The following PPP1R12A variants were observed in gnomAD, a reference collection of about 807,000 sequenced individuals.
PPP1R12A encodes the protein protein phosphatase 1 regulatory subunit 12A, also known as myosin binding subunit.
Under a neutral mutation model 139.6 loss-of-function variants are expected in PPP1R12A, and 19 were observed. The observed-to-expected ratio is 0.14, with a 90% CI of 0.09 to 0.20. The LOEUF is 0.20. Ranked by LOEUF, PPP1R12A falls within the 10% of genes least tolerant of loss-of-function variation. The pLI is 1.00. For missense variants in PPP1R12A, 925 were observed against 1,211.5 expected, an observed-to-expected ratio of 0.76 and a Z score of 3.51; for synonymous variants, 427 against 420.6, an observed-to-expected ratio of 1.02 and a Z score of -0.19.
At chr12:79,863,970 A>T (rs182178878) in intron 2 of PPP1R12A, among the ~76,000 whole-genome samples, 1 of 152,334 alleles carries the variant, frequency 6.6e-6, no homozygotes, top group East Asian at 1.9e-4. Context: ...ACTTGAACTC[A>T]GCTCTGGACC....
At chr12:79,898,541 C>A (rs1465248971) in intron 1 of PPP1R12A, among the ~76,000 whole-genome samples, 1 of 152,190 alleles carries the variant, frequency 6.6e-6, no homozygotes, top group South Asian at 2.1e-4. Context: ...AGATTTCATT[C>A]TTTCCACATA....
At chr12:79,917,545 C>A (rs987990134) in intron 1 of PPP1R12A, among the ~76,000 whole-genome samples, 1 of 149,836 alleles carries the variant, frequency 6.7e-6, no homozygotes, top group Non-Finnish European at 1.5e-5. Flanking sequence ...TTCATTTAAG[C>A]TGAAACAAAT....
chr12:79,836,052 A>T (rs1380389300), intron 3 of PPP1R12A, among the ~76,000 whole-genome samples: 1 of 152,212 alleles, frequency 6.6e-6, no homozygotes, highest in Non-Finnish European at 1.5e-5. Flanking sequence ...TTCAAACTAG[A>T]GATTATAATA....
intron 1 of PPP1R12A, among the ~76,000 whole-genome samples, chr12:79,906,898 G>A (rs550757072): frequency 1.4e-4 from 22 of 152,158 alleles, no homozygotes; most frequent in Middle Eastern, 6.8e-3. Flanking sequence ...TGCCCGCCTC[G>A]GCCTCCCGAG....
In PPP1R12A at chr12:79,774,402, G is replaced by A. The variant is rs1200700608; in HGVS notation, c.*1527C>T. On this transcript the variant is annotated 3_prime_UTR_variant, in exon 25 of 25. Transcript: ENST00000450142. ...AACACAATGACCTTTTAAAATGAAG[G>A]GGTACAAATTCACATTTAATATAGT... 6.6e-6 allele frequency: 1 copy of A among 152,292 alleles called. No individual in the cohort carries two copies. The highest frequency in any genetic ancestry group is 2.4e-5 in the African/African-American group (1 of 41,336). 9.4% of individuals were successfully genotyped at this position (152,292 alleles called of 1,614,324 possible). A position where few individuals can be genotyped will look rare whatever the true frequency, so the allele number is the denominator to read the frequency against.
intron 5 of PPP1R12A, among the ~76,000 whole-genome samples, chr12:79,824,740 A>G (rs1172290868): frequency 6.6e-6 from 1 of 152,202 alleles, no homozygotes; most frequent in Admixed American, 6.5e-5. Flanking sequence ...CTTCATTGAT[A>G]GAGTATAAAC....
intron 1 of PPP1R12A, among the ~76,000 whole-genome samples, chr12:79,930,599 C>A (rs142156687): frequency 6.6e-6 from 1 of 151,952 alleles, no homozygotes; most frequent in Non-Finnish European, 1.5e-5. Flanking sequence ...ATAGAGAAAC[C>A]GCATCTCTAC....
chr12:79,859,305 C>T (rs887415270), intron 2 of PPP1R12A, among the ~76,000 whole-genome samples: 1 of 148,704 alleles, frequency 6.7e-6, no homozygotes, highest in Non-Finnish European at 1.5e-5. Flanking sequence ...CCACTGCACT[C>T]CAGCCTGGGC....
intron 3 of PPP1R12A, among the ~76,000 whole-genome samples, chr12:79,839,003 C>G (rs1878403173): frequency 6.6e-6 from 1 of 152,204 alleles, no homozygotes; most frequent in Admixed American, 6.5e-5. Flanking sequence ...AAGACAGAGA[C>G]ACTCAACACT....
At chr12:79,784,451 C>T (rs916898210) in intron 22 of PPP1R12A, among the ~76,000 whole-genome samples, 1 of 152,142 alleles carries the variant, frequency 6.6e-6, no homozygotes, top group Non-Finnish European at 1.5e-5. Flanking sequence ...CTGCTCCATA[C>T]TGGGTAGTAA....
intron 1 of PPP1R12A, among the ~76,000 whole-genome samples, chr12:79,909,334 A>C (rs925434147): frequency 6.6e-6 from 1 of 152,192 alleles, no homozygotes; most frequent in Non-Finnish European, 1.5e-5. Flanking sequence ...CCAACCAAAT[A>C]GTTCCCTCTG....
intron 3 of PPP1R12A, among the ~76,000 whole-genome samples, chr12:79,833,985 T>G (rs1304002215): frequency 6.6e-6 from 1 of 152,042 alleles, no homozygotes; most frequent in Non-Finnish European, 1.5e-5. Flanking sequence ...TATCCATGTA[T>G]ACAACTGTTT....
chr12:79,842,587 G>GTGTA lies in PPP1R12A; in HGVS notation c.487+2714_487+2715insTACA, dbSNP rs1446610953. ...CACATGTGGCACTTTGTGTGTGTGT[G>GTGTA]TGTGTGTGTGTGTGTGTGTGTGTGT... On this transcript the variant is annotated intron_variant, in intron 3 of 24. Transcript: ENST00000450142. Among the ~76,000 whole-genome samples the GTGTA allele has an allele frequency of 3.3e-5, 5 of 151,276 alleles. No individual in the cohort carries two copies. The East Asian group carries it at 9.8e-4, about 30-fold the overall frequency.
intron 1 of PPP1R12A, among the ~76,000 whole-genome samples, chr12:79,890,096 G>A (rs983738422): frequency 5.9e-5 from 9 of 152,122 alleles, no homozygotes; most frequent in African/African-American, 2.2e-4. Context: ...ACTTCAGATA[G>A]AGACAGCAGT....
At chr12:79,898,865 C>T (rs1885369947) in intron 1 of PPP1R12A, among the ~76,000 whole-genome samples, 3 of 152,108 alleles carry the variant, frequency 2.0e-5, no homozygotes, top group Non-Finnish European at 4.4e-5. Flanking sequence ...CTAAGATCTA[C>T]TTAAATAAAA....
intron 20 of PPP1R12A, among the ~76,000 whole-genome samples, chr12:79,789,334 A>C (rs1292734760): frequency 6.6e-6 from 1 of 152,206 alleles, no homozygotes; most frequent in East Asian, 1.9e-4. Flanking sequence ...AATATTTTAA[A>C]TTGTACACTT....
chr12:79,803,603 G>A (rs1483667733), intron 14 of PPP1R12A, among the ~76,000 whole-genome samples: 4 of 151,898 alleles, frequency 2.6e-5, no homozygotes, highest in Admixed American at 1.3e-4. Flanking sequence ...AACCACTGAC[G>A]AAATTTAAAT....
chr12:79,865,000 G>A lies in PPP1R12A; in HGVS notation c.368+7808C>T, dbSNP rs375471914. Among the ~76,000 whole-genome samples, 37 of 152,198 alleles carry A rather than the reference G, an allele frequency of 2.4e-4. No homozygotes were observed. In the East Asian group the frequency reaches 6.9e-3, roughly 29 times the overall value. Reference sequence around the variant, plus strand: ...AGAATCATCTTGATACCAAAGCCTGGCAGAGACACAACAAAAAAAGAGAAT... The same window carrying A: ...AGAATCATCTTGATACCAAAGCCTGACAGAGACACAACAAAAAAAGAGAAT... On this transcript the variant is annotated intron_variant, in intron 2 of 24. Transcript: ENST00000450142.
intron 9 of PPP1R12A, 28 bp from the exon 10 acceptor site, chr12:79,810,038 G>GA: frequency 6.5e-7 from 1 of 1,530,136 alleles, no homozygotes; most frequent in Non-Finnish European, 8.9e-7. Context: ...TTTAGGAAAA[G>GA]AAAAAAGAAT....
Sources: allele counts gnomAD v4.1 joint callset (sites outside exome capture counted in the v4.1 genomes callset), GRCh38; gene constraint gnomAD v4.1.1; transcripts MANE v1.5; gene names NCBI Gene and HGNC (gene_info 2026-07-23, HGNC 2026-07-21).